Variants in PPM1D observed in about 807,000 individuals in gnomAD.
The protein encoded by PPM1D is protein phosphatase, Mg2+/Mn2+ dependent 1D.
In PPM1D, 52 loss-of-function variants were observed where a neutral mutation model predicts 58.3. The ratio of observed to expected loss-of-function variants is 0.89; its 90% confidence interval spans 0.71 to 1.12. The LOEUF is 1.12. Ranked by LOEUF, PPM1D falls within the 50% of genes most tolerant of loss-of-function variation. PPM1D has a pLI of 0.00. For missense variants in PPM1D, 564 were observed against 777.2 expected, an observed-to-expected ratio of 0.73 and a Z score of 3.26; for synonymous variants, 278 against 285.1, an observed-to-expected ratio of 0.98 and a Z score of 0.25.
At chr17:60,657,180 T>C in intron 5 of PPM1D, 1 of 964,608 alleles carries the variant, frequency 1.0e-6, no homozygotes, top group African/African-American at 1.7e-5. Flanking sequence ...CTAATGTTAT[T>C]ATTTCATTTT....
intron 5 of PPM1D, among the ~76,000 whole-genome samples, chr17:60,657,626 A>G (rs1361499836): frequency 6.6e-6 from 1 of 152,242 alleles, no homozygotes; most frequent in Admixed American, 6.5e-5. Context: ...TGGGCGTCGT[A>G]ATCCTATAGT....
intron 3 of PPM1D, among the ~76,000 whole-genome samples, chr17:60,647,220 T>C (rs969427308): frequency 6.6e-6 from 1 of 152,240 alleles, no homozygotes; most frequent in Non-Finnish European, 1.5e-5. Context: ...ATGAATCTGA[T>C]TGGTTACTTC....
chr17:60,603,092 A>G (rs1022153864), intron 1 of PPM1D, among the ~76,000 whole-genome samples: 11 of 152,180 alleles, frequency 7.2e-5, no homozygotes, highest in Admixed American at 2.0e-4. Flanking sequence ...GGAAAACTCA[A>G]ACAAAAATAT....
chr17:60,652,651 G>C (rs2031368682), intron 4 of PPM1D, among the ~76,000 whole-genome samples: 1 of 137,744 alleles, frequency 7.3e-6, no homozygotes. Flanking sequence ...TCCCCTTTCT[G>C]CACATCCTCA....
intron 5 of PPM1D, among the ~76,000 whole-genome samples, chr17:60,659,449 A>T (rs948366568): frequency 6.6e-6 from 1 of 152,234 alleles, no homozygotes; most frequent in Admixed American, 6.5e-5. Context: ...TTTAAGTAAG[A>T]TAGATTACTA....
intron 1 of PPM1D, among the ~76,000 whole-genome samples, chr17:60,611,350 T>C (rs561591131): frequency 7.9e-4 from 121 of 152,254 alleles, no homozygotes; most frequent in African/African-American, 2.5e-3. Flanking sequence ...TACCTTTTAA[T>C]TTTTTTGCCC....
At chr17:60,632,794 C>G (rs1208606465) in intron 2 of PPM1D, among the ~76,000 whole-genome samples, 1 of 151,870 alleles carries the variant, frequency 6.6e-6, no homozygotes, top group Non-Finnish European at 1.5e-5. Flanking sequence ...ATGGTGAAAC[C>G]CTGTCTCTAC....
chr17:60,629,901 G>A (rs1188059086), intron 2 of PPM1D, among the ~76,000 whole-genome samples: 6 of 152,060 alleles, frequency 3.9e-5, no homozygotes, highest in African/African-American at 1.2e-4. Context: ...TTATCCAGGC[G>A]TAGTGGCATG....
At chr17:60,605,674 G>A (rs1339429835) in intron 1 of PPM1D, among the ~76,000 whole-genome samples, 5 of 152,192 alleles carry the variant, frequency 3.3e-5, no homozygotes, top group East Asian at 3.9e-4. Context: ...AGGCCAAGGC[G>A]GGCGGATCAC....
chr17:60,611,147 A>G (rs2030445513), intron 1 of PPM1D, among the ~76,000 whole-genome samples: 1 of 151,832 alleles, frequency 6.6e-6, no homozygotes, highest in Non-Finnish European at 1.5e-5. Context: ...CAGCCTCCCA[A>G]AGTAGCTGGG....
chr17:60,661,008 G>A (rs1220156560), intron 5 of PPM1D, among the ~76,000 whole-genome samples: 1 of 151,474 alleles, frequency 6.6e-6, no homozygotes, highest in African/African-American at 2.4e-5. Flanking sequence ...GAGGTCAGGA[G>A]ATCGAGACCA....
At chr17:60,632,953 GC>G (rs570335651) in intron 2 of PPM1D, among the ~76,000 whole-genome samples, 1 of 151,560 alleles carries the variant, frequency 6.6e-6, no homozygotes, top group Non-Finnish European at 1.5e-5. Context: ...GACAACAAGA[GC>G]AAAACTCCAT....
intron 4 of PPM1D, among the ~76,000 whole-genome samples, chr17:60,655,228 C>T (rs2031414757): frequency 6.6e-6 from 1 of 151,980 alleles, no homozygotes; most frequent in South Asian, 2.1e-4. Flanking sequence ...TCATTTTCTT[C>T]GATTTGCAGA....
intron 3 of PPM1D, among the ~76,000 whole-genome samples, chr17:60,635,538 A>G (rs1211088988): frequency 1.3e-5 from 2 of 152,330 alleles, no homozygotes; most frequent in Admixed American, 1.3e-4. Flanking sequence ...ATACATAACT[A>G]GAAATGGAAT....
rs745671690 is a variant in PPM1D, at chr17:60,634,090, TATC to T, written c.826+116_826+118del. 1.8e-5 allele frequency: 22 copies of T among 1,240,086 alleles called. 1 individual carries two copies. The highest frequency in any genetic ancestry group is 2.4e-5 in the Non-Finnish European group (21 of 891,290). 76.8% of individuals were successfully genotyped at this position (1,240,086 alleles called of 1,614,324 possible). ...ACTTGGCATATAGTGAGGGTAGAGA[TATC>T]ATGATATTCTATTAACTGCTTTAGA... On this transcript the variant is annotated intron_variant, in intron 3 of 5. Transcript: ENST00000305921.
chr17:60,634,883 T>TG (rs1191024326), intron 3 of PPM1D, among the ~76,000 whole-genome samples: 2 of 152,122 alleles, frequency 1.3e-5, no homozygotes, highest in African/African-American at 4.8e-5. Context: ...CAGGCTCAAG[T>TG]GATCCTCCCA....
intron 2 of PPM1D, among the ~76,000 whole-genome samples, chr17:60,624,206 A>G (rs2030759264): frequency 6.6e-6 from 1 of 152,228 alleles, no homozygotes; most frequent in African/African-American, 2.4e-5. Context: ...TGTGTAAGTA[A>G]TTTGTAAACT....
At chr17:60,618,700 C>T (rs557058148) in intron 1 of PPM1D, among the ~76,000 whole-genome samples, 16 of 152,014 alleles carry the variant, frequency 1.1e-4, no homozygotes, top group African/African-American at 3.6e-4. Context: ...TTTCCTTTGG[C>T]GCGTAGGTGT....
intron 4 of PPM1D, among the ~76,000 whole-genome samples, chr17:60,651,964 G>GA (rs1472483176): frequency 2.0e-5 from 3 of 151,978 alleles, no homozygotes; most frequent in South Asian, 4.1e-4. Flanking sequence ...TAGTTCAAGA[G>GA]AAAAGCACAA....
Sources: allele counts gnomAD v4.1 joint callset (sites outside exome capture counted in the v4.1 genomes callset), GRCh38; gene constraint gnomAD v4.1.1; transcripts MANE v1.5; gene names NCBI Gene and HGNC (gene_info 2026-07-23, HGNC 2026-07-21).